Variants in SEL1L3 observed in about 807,000 individuals in gnomAD.
SEL1L3 encodes protein sel-1 homolog 3.
SEL1L3 carries 76 observed loss-of-function variants against 142.8 expected under a neutral mutation model. The ratio of observed to expected loss-of-function variants is 0.53; its 90% CI spans 0.44 to 0.64. The LOEUF (loss-of-function observed/expected upper bound fraction) is 0.64, where lower values mean the gene tolerates loss of function less well. SEL1L3 is among the 30% of genes least tolerant of loss of function. The probability of loss-of-function intolerance (pLI) is 0.00; values close to 1 mark genes in which losing one functional copy is unlikely to be tolerated. For missense variants in SEL1L3, 1,262 were observed against 1,381.7 expected, an observed-to-expected ratio of 0.91 and a Z score of 1.37; for synonymous variants, 504 against 519.6, an observed-to-expected ratio of 0.97 and a Z score of 0.41.
At chr4:25,770,249 A>G (rs769574368) in intron 17 of SEL1L3, 1 of 152,252 alleles carries the variant, frequency 6.6e-6, no homozygotes, top group Non-Finnish European at 1.5e-5. Context: ...TATAAAGATA[A>G]TATCTTGTGT....
Position 25,797,339 on chromosome 4 carries a change from C to T in SEL1L3, c.1956+4944G>A, listed in dbSNP as rs190134276. ...GAGGAACAGGCAGTTGTGGAGCCTG[C>T]ACTTCAACCGCTCACCTCAGGGCCT... On this transcript the variant is annotated intron_variant, in intron 11 of 23. Transcript: ENST00000399878. Among the ~76,000 whole-genome samples, 486 of 152,284 alleles carry T rather than the reference C, an allele frequency of 3.2e-3. 8 individuals are homozygous for T. The highest frequency in any genetic ancestry group is 0.023 in the Admixed American group (348 of 15,298).
intron 9 of SEL1L3, among the ~76,000 whole-genome samples, chr4:25,810,083 A>C (rs1713914782): frequency 6.6e-6 from 1 of 152,222 alleles, no homozygotes; most frequent in Non-Finnish European, 1.5e-5. Flanking sequence ...GTGTCAGCCC[A>C]GGGAGCCGAG....
the SEL1L3 span, among the ~76,000 whole-genome samples, chr4:25,732,624 G>A: frequency 0.27 from 41,406 of 151,990 alleles, 7,088 homozygotes; most frequent in African/African-American, 0.48. Flanking sequence ...CATCCTCATG[G>A]CTAGTTTGGT....
chr4:25,847,136 C>T (rs990469273), intron 2 of SEL1L3, among the ~76,000 whole-genome samples, 158 bp downstream of exon 2: 1 of 152,112 alleles, frequency 6.6e-6, no homozygotes. Flanking sequence ...TAATTTTTCT[C>T]CTTTTGTCTT....
At chr4:25,748,606 A>T (rs1456548086) in intron 23 of SEL1L3, 42 bp from the exon 24 acceptor site, 25 of 1,580,670 alleles carry the variant, frequency 1.6e-5, no homozygotes, top group Non-Finnish European at 2.1e-5. Context: ...TACTCAAAAC[A>T]GTGCATTCAG....
intron 2 of SEL1L3, among the ~76,000 whole-genome samples, chr4:25,843,160 GACAGA>G (rs1716278457): frequency 6.6e-6 from 1 of 152,028 alleles, no homozygotes; most frequent in South Asian, 2.1e-4. Context: ...AGGGGACAGG[GACAGA>G]TTCCCACAGA....
At chr4:25,823,099 T>G (rs1714872827) in intron 6 of SEL1L3, among the ~76,000 whole-genome samples, 1 of 152,170 alleles carries the variant, frequency 6.6e-6, no homozygotes, top group African/African-American at 2.4e-5. Flanking sequence ...TAGAATTATC[T>G]CCCCATGGGG....
intron 23 of SEL1L3, among the ~76,000 whole-genome samples, chr4:25,755,742 G>A (rs1006988018): frequency 2.0e-5 from 3 of 152,088 alleles, no homozygotes; most frequent in Non-Finnish European, 2.9e-5. Flanking sequence ...AATTCCACCC[G>A]CCCATGAATT....
At chr4:25,846,087 C>A (rs1279664108) in intron 2 of SEL1L3, among the ~76,000 whole-genome samples, 1 of 152,152 alleles carries the variant, frequency 6.6e-6, no homozygotes, top group African/African-American at 2.4e-5. Context: ...GTTGAGGAAA[C>A]AACTGGGCGC....
At position 25,847,882 on chromosome 4, in the gene SEL1L3, AAAGT is replaced by A. The variant is rs1245681726; in HGVS notation, c.163-22_163-19del. The A allele has an allele frequency of 2.1e-6, 3 of 1,440,486 alleles. No individual in the cohort carries two copies. The African/African-American group carries it at 4.3e-5, about 21-fold the overall frequency. 89.2% of individuals were successfully genotyped at this position (1,440,486 alleles called of 1,614,324 possible). On this transcript the variant is annotated intron_variant, in intron 1 of 23. Coordinates refer to ENST00000399878, the MANE Select transcript of SEL1L3 (RefSeq NM_015187.5). ...ACAACATTCTGAAAAAAAGAAAAAG[AAAGT>A]AAGAAATACAGAAAGTTTAAAAATC...
At chr4:25,722,623 G>GTTTTTTTTTTTT in the SEL1L3 span, among the ~76,000 whole-genome samples, 8 of 125,120 alleles carry the variant, frequency 6.4e-5, no homozygotes, top group African/African-American at 3.7e-4. Flanking sequence ...TCCAAAGGAG[G>GTTTTTTTTTTTT]CTTTTTTTTT....
At chr4:25,736,427 T>C in the SEL1L3 span, among the ~76,000 whole-genome samples, 1 of 152,004 alleles carries the variant, frequency 6.6e-6, no homozygotes, top group African/African-American at 2.4e-5. Flanking sequence ...TTTCATCATG[T>C]TGGCCACGCT....
In SEL1L3 at chr4:25,822,082, T is replaced by C. The variant is rs753127711; in HGVS notation, c.1204A>G (p.Ile402Val). The C allele has an allele frequency of 2.5e-5, 41 of 1,613,906 alleles. 1 individual carries two copies. In the South Asian group the frequency reaches 4.5e-4, roughly 18 times the overall value. The change falls in exon 7 of 24, where the codon ATT (isoleucine) becomes GTT (valine). Residue 402 changes from isoleucine to valine, a missense_variant. This residue lies in a region of SEL1L3 where 689 missense variants were observed against 692.8 expected (regional missense o/e 0.99). Coordinates refer to ENST00000399878, the MANE Select transcript of SEL1L3 (RefSeq NM_015187.5). ...CCAGCCACATACCTGCTCCCTCCAATAATGAAGTACCCAGCTGTGTCATTA... is the reference window on the plus strand; with the variant it reads ...CCAGCCACATACCTGCTCCCTCCAACAATGAAGTACCCAGCTGTGTCATTA... ...HYNDTAGYFI[I>V]GGSRYVAGIE...
At position 25,779,145 on chromosome 4, in the gene SEL1L3, A is replaced by T. The variant is rs757997238; in HGVS notation, c.2516T>A (p.Leu839Ter). Residue 839 changes from leucine (L) to a stop codon, truncating the protein, a stop_gained, in exon 16 of 24, where the codon TTG becomes TAG. Coordinates refer to ENST00000399878, the MANE Select transcript of SEL1L3 (RefSeq NM_015187.5). LOFTEE classifies it high-confidence loss of function. ...TGTGATATAGTAGAGAGAACACCAC[A>T]AGGTCCCTTCCATGTGTCCACCTTG... Reference protein sequence around the residue: ...AAQGGHMEGTLWCSLYYITGN... With the variant: ...AAQGGHMEGT 1 of 1,613,688 alleles carries T rather than the reference A, an allele frequency of 6.2e-7. No individual in the cohort carries two copies. Among genetic ancestry groups the T allele is most frequent in the Non-Finnish European group, 8.5e-7 (1 of 1,179,622 alleles).
chr4:25,795,158 T>C (rs530846083), intron 11 of SEL1L3, among the ~76,000 whole-genome samples: 2,128 of 152,202 alleles, frequency 0.014, 46 homozygotes, highest in African/African-American at 0.049. Flanking sequence ...TGGCACACGT[T>C]TACCTATGTA....
chr4:25,814,047 G>T (rs1247875725), intron 9 of SEL1L3, among the ~76,000 whole-genome samples: 2 of 152,184 alleles, frequency 1.3e-5, no homozygotes, highest in East Asian at 3.9e-4. Flanking sequence ...ATATGTAGCG[G>T]CCTGGAAGTG....
At chr4:25,833,595 T>A in intron 3 of SEL1L3, 26 bp from the exon 4 acceptor site, 2 of 1,584,144 alleles carry the variant, frequency 1.3e-6, no homozygotes, top group South Asian at 2.3e-5. Flanking sequence ...GGAAAAAAAT[T>A]CTGCAGATTG....
chr4:25,830,716 T>A (rs1347691584), intron 5 of SEL1L3, among the ~76,000 whole-genome samples: 1 of 152,170 alleles, frequency 6.6e-6, no homozygotes, highest in Non-Finnish European at 1.5e-5. Context: ...GCCTCTCGAC[T>A]CAAGGGGCCA....
chr4:25,786,204 T>C (rs73103943), intron 13 of SEL1L3, among the ~76,000 whole-genome samples: 67 of 152,284 alleles, frequency 4.4e-4, no homozygotes, highest in African/African-American at 1.4e-3. Flanking sequence ...GTACCATCTT[T>C]GCATAAAGCC....
Sources: gnomAD v4.1 joint callset for allele counts (sites outside exome capture counted in the v4.1 genomes callset) on GRCh38, gnomAD v4.1.1 for gene constraint, gnomAD v4.1.1 regional missense constraint, MANE v1.5 for transcripts, NCBI Gene and HGNC (gene_info 2026-07-23, HGNC 2026-07-21) for gene names.